Variants in SI observed in about 807,000 individuals in gnomAD.
The protein encoded by SI is sucrase-isomaltase.
Under a neutral mutation model 253.3 loss-of-function variants are expected in SI, and 235 were observed. That is an observed-to-expected ratio of 0.93 (90% CI 0.83 to 1.03). The LOEUF is 1.03. Among genes scored for constraint, SI ranks in the 50% least tolerant of loss-of-function variants. SI has a pLI of 0.00. For synonymous variants in SI, 819 were observed against 712.0 expected (o/e 1.15, Z -2.39); for missense variants, 2,442 against 2,211.1 (o/e 1.10, Z -2.09).
At chr3:164,990,360 A>G (rs1459133671) in intron 44 of SI, among the ~76,000 whole-genome samples, 1 of 152,160 alleles carries the variant, frequency 6.6e-6, no homozygotes, top group African/African-American at 2.4e-5. Context: ...GCCATTCAAA[A>G]TATAAGACAT....
chr3:164,986,668 T>C (rs1454507266), intron 45 of SI, among the ~76,000 whole-genome samples: 1 of 152,190 alleles, frequency 6.6e-6, no homozygotes, highest in Non-Finnish European at 1.5e-5. Flanking sequence ...TTGTTATGCT[T>C]TTCTCATGTT....
intron 24 of SI, 126 bp from the exon 25 acceptor site, chr3:165,030,993 C>T (rs528720265): frequency 5.4e-5 from 71 of 1,316,494 alleles, no homozygotes; most frequent in Non-Finnish European, 6.3e-5. Flanking sequence ...AATGTGGCAA[C>T]GAGGGCAATT....
chr3:165,062,626 T>C, intron 8 of SI, 143 bp from the exon 9 acceptor site: 1 of 590,242 alleles, frequency 1.7e-6, no homozygotes, highest in Non-Finnish European at 3.0e-6. Context: ...AAATATTGAA[T>C]GCAGGAATAA....
At position 165,018,066 on chromosome 3, in the gene SI, A is replaced by G; in HGVS notation, c.3424T>C (p.Tyr1142His). The G allele has an allele frequency of 6.4e-7, 1 of 1,554,780 alleles. No individual in the cohort carries two copies. Among genetic ancestry groups the G allele is most frequent in the Non-Finnish European group, 8.9e-7 (1 of 1,126,332 alleles). ...GMFTRDQPPG[Y>H]KLNSYGFHPY... is the part of the protein sequence containing the mutation. Reference sequence around the variant, plus strand: ...TGAAATCCATAGGAATTAAGTTTGTACTGAAATACGAAAAATAAGCACAAT... The same window carrying G: ...TGAAATCCATAGGAATTAAGTTTGTGCTGAAATACGAAAAATAAGCACAAT... The change falls in exon 29 of 48, where the codon TAC becomes CAC. Residue 1142 changes from tyrosine (Y) to histidine (H), a missense_variant and splice_region_variant. Tyr to His is a moderately conservative substitution (Grantham distance 83). Transcript: ENST00000264382.
intron 14 of SI, 140 bp downstream of exon 14, chr3:165,049,650 GA>G (rs1713327709): frequency 1.6e-6 from 1 of 619,918 alleles, no homozygotes; most frequent in Admixed American, 2.8e-5. Flanking sequence ...ATATTTGTCT[GA>G]AGAAAAGATA....
chr3:164,999,917 A>T (rs971241883), intron 37 of SI, among the ~76,000 whole-genome samples: 7 of 151,674 alleles, frequency 4.6e-5, no homozygotes, highest in African/African-American at 1.7e-4. Context: ...AAAAACCAAT[A>T]AAAGAAAATG....
In SI at chr3:164,986,877, G is replaced by A. The variant is rs150256534; in HGVS notation, c.5197+261C>T. Among the ~76,000 whole-genome samples the A allele has an allele frequency of 2.1e-3, 320 of 152,262 alleles. 2 individuals are homozygous for A. The highest frequency in any genetic ancestry group is 0.014 in the Middle Eastern group (4 of 294). ...AGCTTCTGAAAGTACAAAGATAATAGATACATAATTCTGCCCACACAAATT... is the reference window on the plus strand; with the variant it reads ...AGCTTCTGAAAGTACAAAGATAATAAATACATAATTCTGCCCACACAAATT... On this transcript the variant is annotated intron_variant, in intron 45 of 47. Transcript: ENST00000264382.
At chr3:165,065,466 TA>T in intron 6 of SI, 34 bp from the exon 7 acceptor site, 1 of 161,638 alleles carries the variant, frequency 6.2e-6, no homozygotes, top group Admixed American at 1.0e-4. Context: ...AATAATCTAA[TA>T]TATATATATA....
chr3:165,029,630 CCT>C, intron 25 of SI, among the ~76,000 whole-genome samples: 1 of 87,554 alleles, frequency 1.1e-5, no homozygotes, highest in East Asian at 1.2e-3. Context: ...GTAACATTAG[CCT>C]TATATATATA....
intron 12 of SI, 71 bp downstream of exon 12, chr3:165,058,892 A>ACACAC: frequency 2.3e-6 from 3 of 1,288,526 alleles, no homozygotes; most frequent in Non-Finnish European, 3.4e-6. Flanking sequence ...ACACACGCAC[A>ACACAC]TCCACAGAAA....
chr3:164,999,521 A>G (rs1020581355), intron 37 of SI, among the ~76,000 whole-genome samples: 6 of 151,666 alleles, frequency 4.0e-5, no homozygotes, highest in African/African-American at 1.4e-4. Context: ...TAAGAGCTAC[A>G]GAACTATCTT....
chr3:165,029,823 G>A (rs1422045047), intron 25 of SI, among the ~76,000 whole-genome samples: 5 of 150,286 alleles, frequency 3.3e-5, no homozygotes, highest in Non-Finnish European at 7.5e-5. Flanking sequence ...GGCAACTTAA[G>A]AGAAGGTTTA....
chr3:165,010,561 T>G (rs1438213961), intron 34 of SI, among the ~76,000 whole-genome samples: 12 of 152,182 alleles, frequency 7.9e-5, no homozygotes, highest in Admixed American at 7.9e-4. Flanking sequence ...GGGATTATAT[T>G]GAATATTTTC....
intron 37 of SI, 75 bp downstream of exon 37, chr3:165,006,741 T>C: frequency 1.5e-6 from 2 of 1,301,258 alleles, no homozygotes; most frequent in Non-Finnish European, 2.2e-6. Flanking sequence ...TTGTCGGGAC[T>C]GTTAAAATGA....
chr3:165,033,735 A>G (rs1257289453), intron 22 of SI, among the ~76,000 whole-genome samples: 2 of 151,572 alleles, frequency 1.3e-5, no homozygotes, highest in African/African-American at 4.8e-5. Context: ...ACAGTAAATA[A>G]TATATAATTA....
intron 45 of SI, 26 bp downstream of exon 45, chr3:164,987,112 A>T: frequency 6.5e-7 from 1 of 1,533,434 alleles, no homozygotes; most frequent in Non-Finnish European, 9.0e-7. Flanking sequence ...CATCAATTAA[A>T]TTTATCTACT....
chr3:165,065,367 G>C lies in SI; in HGVS notation c.701C>G (p.Pro234Arg), dbSNP rs1450206127. Reference protein sequence around the residue: ...DQYLQISTRLPSDYIYGIGEQ... With the variant: ...DQYLQISTRLRSDYIYGIGEQ... Reference sequence around the variant, plus strand: ...TCCAATACCATAAATATAATCACTTGGAAGACGGGTTGAGATCTGTAAGTA... The same window carrying C: ...TCCAATACCATAAATATAATCACTTCGAAGACGGGTTGAGATCTGTAAGTA... The change falls in exon 7 of 48, where the codon CCA (proline) becomes CGA (arginine). Residue 234 changes from proline to arginine, a missense_variant. Physicochemically the swap from Pro to Arg is moderately radical, Grantham distance 103 (BLOSUM62 -2). Coordinates refer to ENST00000264382, the MANE Select transcript of SI (RefSeq NM_001041.4). 6.3e-7 allele frequency: 1 copy of C among 1,591,474 alleles called. No homozygotes were observed. Among genetic ancestry groups the C allele is most frequent in the South Asian group, 1.1e-5 (1 of 90,558 alleles).
chr3:164,988,629 C>T (rs555864678), intron 44 of SI, among the ~76,000 whole-genome samples: 1 of 152,232 alleles, frequency 6.6e-6, no homozygotes, highest in African/African-American at 2.4e-5. Flanking sequence ...TTAGAAGATT[C>T]TGTTCATGCC....
In SI at chr3:165,046,926, C is replaced by A; in HGVS notation, c.1802G>T (p.Trp601Leu). 2 of 1,612,962 alleles carry A rather than the reference C, an allele frequency of 1.2e-6. No homozygotes were observed. Among genetic ancestry groups the A allele is most frequent in the Non-Finnish European group, 1.7e-6 (2 of 1,179,330 alleles). ...CCATGAAGCAGTATTGTCTCCTAAC[C>A]AATGCGCAGCATGTCTTCCAGATCC... is the stretch of plus-strand genomic sequence containing the variant. ...FAGSGRHAAH[W>L]LGDNTASWEQ... Residue 601 changes from tryptophan to leucine, a missense_variant, in exon 16 of 48, where the codon TGG (tryptophan) becomes TTG (leucine). Trp to Leu is a moderately conservative substitution (Grantham distance 61, BLOSUM62 -2). Coordinates refer to ENST00000264382, the MANE Select transcript of SI (RefSeq NM_001041.4).
Sources: gnomAD v4.1 joint callset for allele counts (sites outside exome capture counted in the v4.1 genomes callset) on GRCh38, gnomAD v4.1.1 for gene constraint, MANE v1.5 for transcripts, NCBI Gene and HGNC (gene_info 2026-07-23, HGNC 2026-07-21) for gene names.